CENPS: variants seen among roughly 807,000 people sequenced by gnomAD.
CENPS encodes the protein FANCM associated histone fold protein 1.
CENPS carries 16 observed loss-of-function variants against 17.9 expected under a neutral mutation model. The observed-to-expected ratio is 0.90, with a 90% confidence interval of 0.61 to 1.36. CENPS has a LOEUF of 1.36. CENPS is among the 40% of genes most tolerant of loss of function. The pLI is 0.00. For synonymous variants in CENPS, 49 were observed against 55.8 expected, an observed-to-expected ratio of 0.88 and a Z score of 0.54; for missense variants, 160 against 158.6, an observed-to-expected ratio of 1.01 and a Z score of -0.05.
At chr1:10,434,871 T>A (rs901005488) in intron 3 of CENPS, among the ~76,000 whole-genome samples, 181 bp downstream of exon 3, 7 of 152,226 alleles carry the variant, frequency 4.6e-5, no homozygotes, top group Admixed American at 3.3e-4. Flanking sequence ...GATTCACACT[T>A]ATTTGAACAT....
At chr1:10,434,076 A>G in intron 2 of CENPS, 111 bp downstream of exon 2, 2 of 1,543,704 alleles carry the variant, frequency 1.3e-6, no homozygotes, top group East Asian at 2.3e-5. Flanking sequence ...GACCAAGAAT[A>G]TTATCATCCT....
chr1:10,440,041 C>A, intron 3 of CENPS: 1 of 369,118 alleles, frequency 2.7e-6, no homozygotes, highest in Non-Finnish European at 4.8e-6. Context: ...TTAGCTGTGG[C>A]CAAGCAAGCC....
rs1195826028 is a variant in CENPS at position 10,433,935 on chromosome 1, G to A, written c.145G>A (p.Ala49Thr). 1 of 1,614,168 alleles carries A rather than the reference G, an allele frequency of 6.2e-7. No homozygotes were observed. Among genetic ancestry groups the A allele is most frequent in the South Asian group, 1.1e-5 (1 of 91,088 alleles). The change falls in exon 2 of 5, where the codon GCC becomes ACC. Residue 49 changes from alanine to threonine, a missense_variant. Coordinates refer to ENST00000309048, the MANE Select transcript of CENPS (RefSeq NM_199294.3). The stretch of plus-strand genomic sequence containing the variant: ...GCAGTTCAGCAAACAGACCATTGCG[G>A]CCATTTCGGAGCTGACTTTCCGACA... ...EMQFSKQTIA[A>T]ISELTFRQCE...
At chr1:10,435,916 GA>G (rs1225366708) in intron 3 of CENPS, among the ~76,000 whole-genome samples, 15 of 151,476 alleles carry the variant, frequency 9.9e-5, no homozygotes, top group African/African-American at 3.6e-4. Flanking sequence ...AATGAAATTA[GA>G]AAGAGCATGG....
At position 10,430,766 on chromosome 1, in the gene CENPS, C is replaced by T. The variant is rs1009851603; in HGVS notation, c.51+198C>T. 12 of 1,393,232 alleles carry T rather than the reference C, an allele frequency of 8.6e-6. No individual in the cohort carries two copies. In the Admixed American group the frequency reaches 3.9e-4, roughly 45 times the overall value. 86.3% of individuals were successfully genotyped at this position (1,393,232 alleles called of 1,614,324 possible). ...CGCGGCAACGCGGCTGGACCCTGGC[C>T]TGCGCTGGCTGGGGAGGAAGCGGTT... is the stretch of plus-strand genomic sequence containing the variant. On this transcript the variant is annotated intron_variant, in intron 1 of 4. Coordinates refer to ENST00000309048, the MANE Select transcript of CENPS (RefSeq NM_199294.3).
chr1:10,433,762 T>A (rs1479563055), intron 1 of CENPS, 80 bp from the exon 2 acceptor site: 4 of 1,595,048 alleles, frequency 2.5e-6, no homozygotes, highest in Non-Finnish European at 3.4e-6. Flanking sequence ...GCAGACCCTC[T>A]CCTTGGTCTT....
At chr1:10,436,550 A>G (rs1640167878) in intron 3 of CENPS, among the ~76,000 whole-genome samples, 1 of 151,252 alleles carries the variant, frequency 6.6e-6, no homozygotes, top group South Asian at 2.1e-4. Flanking sequence ...AATACAAAAA[A>G]AAAAAATTAG....
chr1:10,440,503 G>C, intron 4 of CENPS, 90 bp downstream of exon 4: 1 of 1,530,386 alleles, frequency 6.5e-7, no homozygotes, highest in Non-Finnish European at 8.8e-7. Context: ...TTATTCCCCA[G>C]GGCACCTTGC....
chr1:10,431,245 C>T (rs1216244098), intron 1 of CENPS: 1 of 1,533,570 alleles, frequency 6.5e-7, no homozygotes, highest in Non-Finnish European at 8.7e-7. Context: ...AAAAGCAAGA[C>T]CCGGAGTGGC....
chr1:10,440,329 C>T lies in CENPS; in HGVS notation c.210-18C>T. On this transcript the variant is annotated intron_variant, in intron 3 of 4. Coordinates refer to ENST00000309048, the MANE Select transcript of CENPS (RefSeq NM_199294.3). ...TAATACCAAACATTTTGGTGACTTG[C>T]TTCTGCCCTTTCTGCAGACATGCGA... 6.2e-7 allele frequency: 1 copy of T among 1,611,666 alleles called. No homozygotes were observed. Among genetic ancestry groups the T allele is most frequent in the Non-Finnish European group, 8.5e-7 (1 of 1,179,336 alleles).
intron 4 of CENPS, 93 bp from the exon 5 acceptor site, chr1:10,442,172 A>G: frequency 6.9e-7 from 1 of 1,449,218 alleles, no homozygotes; most frequent in Non-Finnish European, 9.1e-7. Context: ...TTTGAGTCAG[A>G]GGTGGTTGTG....
intron 1 of CENPS, 53 bp downstream of exon 1, chr1:10,430,621 T>G: frequency 6.6e-7 from 1 of 1,515,566 alleles, no homozygotes; most frequent in African/African-American, 1.4e-5. Flanking sequence ...GTCGAGTTTC[T>G]GGACAGAAAA....
chr1:10,431,485 C>G (rs754813649), intron 1 of CENPS: 1 of 1,424,432 alleles, frequency 7.0e-7, no homozygotes, highest in Non-Finnish European at 9.5e-7. Flanking sequence ...CCCTCCCAGC[C>G]CCGCGATTGG....
chr1:10,442,248 AG>A lies in CENPS; in HGVS notation c.277-16del, dbSNP rs1222998951. The A allele has an allele frequency of 1.4e-6, 2 of 1,460,588 alleles. No homozygotes were observed. The highest frequency in any genetic ancestry group is 1.8e-6 in the Non-Finnish European group (2 of 1,111,844). The allele number at this position is 1,460,588 out of a possible 1,614,324, so 90.5% of individuals were successfully genotyped here. ...AATGGTTACAGCCAGATATAAATAC[AG>A]ATTTTTTTTTTATAGCTAAAATACA... On this transcript the variant is annotated splice_polypyrimidine_tract_variant and intron_variant, in intron 4 of 4. Coordinates refer to ENST00000309048, the MANE Select transcript of CENPS (RefSeq NM_199294.3).
At chr1:10,430,755 T>C in intron 1 of CENPS, 187 bp downstream of exon 1, 1 of 1,401,434 alleles carries the variant, frequency 7.1e-7, no homozygotes, top group Non-Finnish European at 9.3e-7. Context: ...GCAACGCGGC[T>C]GGACCCTGGC....
intron 3 of CENPS, among the ~76,000 whole-genome samples, chr1:10,439,569 G>C (rs996891211): frequency 2.0e-5 from 3 of 152,054 alleles, no homozygotes; most frequent in African/African-American, 7.2e-5. Context: ...GTGAAATCCT[G>C]TCTCTACTAA....
chr1:10,440,202 C>T, intron 3 of CENPS, 145 bp from the exon 4 acceptor site: 1 of 1,082,212 alleles, frequency 9.2e-7, no homozygotes, highest in Non-Finnish European at 1.3e-6. Context: ...ATTTTTGTGT[C>T]ACTTTTGCTT....
At chr1:10,431,533 A>G in intron 1 of CENPS, 1 of 1,186,616 alleles carries the variant, frequency 8.4e-7, no homozygotes, top group Non-Finnish European at 1.2e-6. Context: ...TCGCCTTTAC[A>G]TTTTAATTCT....
rs1226550619 is a variant in CENPS, at chr1:10,430,456, C to T, written c.-62C>T. On this transcript the variant is annotated 5_prime_UTR_variant, in exon 1 of 5. Coordinates refer to ENST00000309048, the MANE Select transcript of CENPS (RefSeq NM_199294.3). ...TCGCGCCGCGGCGGGAAAATCCGAC[C>T]TGGCCGCGCACCACCGCCCCTTCTC... 47 of 1,523,428 alleles carry T rather than the reference C, an allele frequency of 3.1e-5. No individual in the cohort carries two copies. Among genetic ancestry groups the T allele is most frequent in the Non-Finnish European group, 3.6e-5 (41 of 1,136,422 alleles). The allele number at this position is 1,523,428 out of a possible 1,614,324, so 94.4% of individuals were successfully genotyped here. A position where few individuals can be genotyped will look rare whatever the true frequency, so the allele number is the denominator to read the frequency against.
Sources: allele counts gnomAD v4.1 joint callset (sites outside exome capture counted in the v4.1 genomes callset), GRCh38; gene constraint gnomAD v4.1.1; transcripts MANE v1.5; gene names NCBI Gene and HGNC (gene_info 2026-07-23, HGNC 2026-07-21).